SCTR: variants seen among roughly 807,000 people sequenced by gnomAD.
SCTR encodes secretin receptor.
In SCTR, 56 loss-of-function variants were observed where a neutral mutation model predicts 60.8. That is an observed-to-expected ratio of 0.92 (90% confidence interval 0.74 to 1.15). The LOEUF (loss-of-function observed/expected upper bound fraction) is 1.15. Among genes scored for constraint, SCTR ranks in the 50% most tolerant of loss-of-function variants. SCTR has a pLI of 0.00. For missense variants in SCTR, 562 were observed against 550.4 expected (o/e 1.02, Z -0.21); for synonymous variants, 202 against 217.0 (o/e 0.93, Z 0.61).
chr2:119,441,264 C>G (rs142884125), intron 12 of SCTR, among the ~76,000 whole-genome samples: 1 of 152,342 alleles, frequency 6.6e-6, no homozygotes, highest in Non-Finnish European at 1.5e-5. Context: ...AACATCGGCA[C>G]CAGGAATGCT....
At chr2:119,447,160 A>G (rs1447704918) in intron 10 of SCTR, among the ~76,000 whole-genome samples, 2 of 152,126 alleles carry the variant, frequency 1.3e-5, no homozygotes, top group Non-Finnish European at 2.9e-5. Flanking sequence ...TACCTACACC[A>G]TTAACTTTAT....
chr2:119,455,203 T>A (rs1461296178), intron 7 of SCTR, among the ~76,000 whole-genome samples: 1 of 152,078 alleles, frequency 6.6e-6, no homozygotes. Flanking sequence ...TCCCTGCCAC[T>A]GCACGCTGGA....
intron 3 of SCTR, among the ~76,000 whole-genome samples, chr2:119,474,837 T>C (rs1023096335): frequency 6.6e-6 from 1 of 152,186 alleles, no homozygotes; most frequent in African/African-American, 2.4e-5. Context: ...AGGGGCAGCG[T>C]CTAGGACCAG....
chr2:119,494,329 C>G lies in SCTR; in HGVS notation c.193+99G>C, dbSNP rs113383016. The G allele has an allele frequency of 6.4e-3, 8,750 of 1,363,554 alleles. 137 individuals carry two copies. Among genetic ancestry groups the G allele is most frequent in the South Asian group, 0.043 (3,162 of 74,058 alleles). 84.5% of individuals were successfully genotyped at this position (1,363,554 alleles called of 1,614,324 possible). On this transcript the variant is annotated intron_variant, in intron 2 of 12. Transcript: ENST00000019103. ...TGAGTGAGAAAAGCTGGACCAGCCTCCCACATCCCATCCTGGCCCAGGATA... is the reference window on the plus strand; with the variant it reads ...TGAGTGAGAAAAGCTGGACCAGCCTGCCACATCCCATCCTGGCCCAGGATA...
intron 7 of SCTR, among the ~76,000 whole-genome samples, chr2:119,457,876 G>A (rs1052314259): frequency 6.6e-6 from 1 of 152,182 alleles, no homozygotes; most frequent in African/African-American, 2.4e-5. Context: ...TAACTCTGGA[G>A]GCTGAGCTCG....
At chr2:119,509,986 CTT>C (rs369904458) in intron 1 of SCTR, among the ~76,000 whole-genome samples, 20 of 147,566 alleles carry the variant, frequency 1.4e-4, no homozygotes, top group Non-Finnish European at 2.3e-4. Flanking sequence ...TCAGAATTTC[CTT>C]TTTTTTTTTA....
At chr2:119,505,270 G>A (rs1413160674) in intron 1 of SCTR, among the ~76,000 whole-genome samples, 1 of 140,484 alleles carries the variant, frequency 7.1e-6, no homozygotes, top group Non-Finnish European at 1.5e-5. Flanking sequence ...GCAAAGACTT[G>A]GAACCAACCC....
At chr2:119,504,221 C>T (rs575807308) in intron 1 of SCTR, among the ~76,000 whole-genome samples, 5 of 152,152 alleles carry the variant, frequency 3.3e-5, no homozygotes, top group African/African-American at 1.2e-4. Context: ...ATAAAATGAA[C>T]CTTGAGCTCA....
chr2:119,517,413 G>A (rs1679148924), intron 1 of SCTR, among the ~76,000 whole-genome samples: 1 of 152,146 alleles, frequency 6.6e-6, no homozygotes, highest in African/African-American at 2.4e-5. Context: ...ACCTGCCTCA[G>A]CCTCCCCAAG....
In SCTR at chr2:119,473,319, G is replaced by C. The variant is rs141158576; in HGVS notation, c.405+134C>G. 687 of 633,460 alleles carry C rather than the reference G, an allele frequency of 1.1e-3. 2 individuals carry two copies. The highest frequency in any genetic ancestry group is 1.4e-3 in the Non-Finnish European group (504 of 351,218). The allele number at this position is 633,460 out of a possible 1,614,324, so 39.2% of individuals were successfully genotyped here. A position where few individuals can be genotyped will look rare whatever the true frequency, so the allele number is the denominator to read the frequency against. ...TGTGAGTAGGAGGCATGGGGACAGG[G>C]GGTAGCCCTTACATCCTGACCACTG... On this transcript the variant is annotated intron_variant, in intron 4 of 12. Coordinates refer to ENST00000019103, the MANE Select transcript of SCTR (RefSeq NM_002980.3).
At chr2:119,493,643 T>TTA (rs1553466912) in intron 2 of SCTR, among the ~76,000 whole-genome samples, 1 of 132,066 alleles carries the variant, frequency 7.6e-6, no homozygotes. Context: ...TTCTTCTTCT[T>TTA]TTTTTTTTTT....
chr2:119,511,923 G>A (rs181708131), intron 1 of SCTR, among the ~76,000 whole-genome samples: 3 of 152,134 alleles, frequency 2.0e-5, no homozygotes, highest in Admixed American at 2.0e-4. Context: ...AATTTTGAAG[G>A]CATTTCTCCT....
intron 3 of SCTR, among the ~76,000 whole-genome samples, chr2:119,477,850 C>T (rs1052149254): frequency 6.6e-6 from 1 of 152,196 alleles, no homozygotes; most frequent in African/African-American, 2.4e-5. Context: ...ATTGGAGGAG[C>T]GGGTTTCAAG....
At chr2:119,506,643 C>T (rs1008679087) in intron 1 of SCTR, among the ~76,000 whole-genome samples, 2 of 151,946 alleles carry the variant, frequency 1.3e-5, no homozygotes, top group Non-Finnish European at 2.9e-5. Flanking sequence ...CATAGCCAGG[C>T]TAATTTTTAA....
rs535950773 is a variant in SCTR, at chr2:119,475,647, A to G, written c.302-2091T>C. ...ATGTAGATATTTATATTATATATAT[A>G]ATATAAATAGATATTTATATTTATA... On this transcript the variant is annotated intron_variant, in intron 3 of 12. Coordinates refer to ENST00000019103, the MANE Select transcript of SCTR (RefSeq NM_002980.3). Among the ~76,000 whole-genome samples the G allele has an allele frequency of 8.4e-4, 123 of 146,614 alleles. 1 individual carries two copies. The South Asian group carries it at 0.011, about 13-fold the overall frequency.
rs151102866 is a variant in SCTR at position 119,509,882 on chromosome 2, A to G, written c.72+14273T>C. Among the ~76,000 whole-genome samples, 82 of 152,102 alleles carry G rather than the reference A, an allele frequency of 5.4e-4. 1 individual carries two copies. In the East Asian group the frequency reaches 0.012, roughly 23 times the overall value. The stretch of plus-strand genomic sequence containing the variant: ...CTCTAAGAATTTGCCTATTCTAGAT[A>G]CCTCACATAAATGAATCACACAGTA... On this transcript the variant is annotated intron_variant, in intron 1 of 12. Transcript: ENST00000019103.
At chr2:119,440,404 T>C in intron 12 of SCTR, 147 bp from the exon 13 acceptor site, 1 of 876,676 alleles carries the variant, frequency 1.1e-6, no homozygotes, top group South Asian at 1.8e-5. Context: ...AGATTGACTG[T>C]TTCCAGCCCC....
intron 3 of SCTR, among the ~76,000 whole-genome samples, chr2:119,475,917 A>G (rs1444377026): frequency 6.6e-6 from 1 of 151,848 alleles, no homozygotes; most frequent in East Asian, 1.9e-4. Flanking sequence ...GTTTTTTAAT[A>G]AGGAACTCTG....
intron 2 of SCTR, among the ~76,000 whole-genome samples, chr2:119,489,777 G>A (rs1269954731): frequency 2.0e-5 from 3 of 152,212 alleles, no homozygotes; most frequent in African/African-American, 7.2e-5. Context: ...TGACAGTTGA[G>A]CTGATTGGCA....
Sources: allele counts gnomAD v4.1 joint callset (sites outside exome capture counted in the v4.1 genomes callset), GRCh38; gene constraint gnomAD v4.1.1; transcripts MANE v1.5; gene names NCBI Gene and HGNC (gene_info 2026-07-23, HGNC 2026-07-21).